Variants in KLC4 observed in about 807,000 individuals in gnomAD.
KLC4 encodes the protein kinesin-like protein 8.
In KLC4, 49 loss-of-function variants were observed where a neutral mutation model predicts 77.2. The observed-to-expected ratio is 0.63, with a 90% confidence interval of 0.50 to 0.80. The LOEUF is 0.80. KLC4 is among the 30% of genes least tolerant of loss of function. The pLI is 0.00. For synonymous variants in KLC4, 274 were observed against 314.5 expected (o/e 0.87, Z 1.36); for missense variants, 669 against 793.5 (o/e 0.84, Z 1.89).
At chr6:43,059,852 TAGAC>T (rs978477708) in intron 1 of KLC4, 167 bp downstream of exon 1, 13 of 1,187,408 alleles carry the variant, frequency 1.1e-5, no homozygotes, top group South Asian at 2.3e-5. Flanking sequence ...TCCAGACAGA[TAGAC>T]AGACGACCTG....
Position 43,071,264 on chromosome 6 carries a change from C to A in KLC4, c.1156-11C>A. On this transcript the variant is annotated splice_polypyrimidine_tract_variant and intron_variant, in intron 8 of 15. Coordinates refer to ENST00000347162, the MANE Select transcript of KLC4 (RefSeq NM_201521.3). Reference sequence around the variant, plus strand: ...GTTTTGTTCCTGTATTTTTGCCTTTCTGTCCTCCAGGCTTCCTGTTACCTG... The same window carrying A: ...GTTTTGTTCCTGTATTTTTGCCTTTATGTCCTCCAGGCTTCCTGTTACCTG... 5 of 1,513,256 alleles carry A rather than the reference C, an allele frequency of 3.3e-6. No homozygotes were observed. The highest frequency in any genetic ancestry group is 4.6e-6 in the Non-Finnish European group (5 of 1,094,996). 93.7% of individuals were successfully genotyped at this position (1,513,256 alleles called of 1,614,324 possible).
At position 43,071,559 on chromosome 6, in the gene KLC4, A is replaced by AC. The variant is rs113147109; in HGVS notation, c.1256-4dup. 11 of 1,611,434 alleles carry AC rather than the reference A, an allele frequency of 6.8e-6. No individual in the cohort carries two copies. The African/African-American group carries it at 1.1e-4, about 16-fold the overall frequency. ...CTCTAACCTCCCCACCCCATGTATC[A>AC]CCCCTAGATGACCACAAGCCCATCT... On this transcript the variant is annotated splice_polypyrimidine_tract_variant and splice_region_variant and intron_variant, in intron 9 of 15. Coordinates refer to ENST00000347162, the MANE Select transcript of KLC4 (RefSeq NM_201521.3).
Position 43,067,057 on chromosome 6 carries a change from A to G in KLC4, c.853A>G (p.Ser285Gly). The G allele has an allele frequency of 1.2e-6, 2 of 1,614,022 alleles. No homozygotes were observed. The highest frequency in any genetic ancestry group is 1.7e-6 in the Non-Finnish European group (2 of 1,179,984). ...GAATGATGCCCTTAGCATCCGGGAG[A>G]GCACCTTGGGACCTGACCATCCTGC... ...LLNDALSIRE[S>G]TLGPDHPAVA... Residue 285 changes from serine to glycine, a missense_variant, in exon 6 of 16, where the codon AGC becomes GGC. Physicochemically the swap from Ser to Gly is moderately conservative, Grantham distance 56. Coordinates refer to ENST00000347162, the MANE Select transcript of KLC4 (RefSeq NM_201521.3).
At chr6:43,059,883 A>G in intron 1 of KLC4, 198 bp downstream of exon 1, 1 of 1,210,392 alleles carries the variant, frequency 8.3e-7, no homozygotes, top group Non-Finnish European at 1.0e-6. Flanking sequence ...CCCCTGCGCC[A>G]CCGACTGACT....
At chr6:43,060,055 G>A (rs1442376605) in intron 1 of KLC4, 1 of 1,510,906 alleles carries the variant, frequency 6.6e-7, no homozygotes, top group East Asian at 2.4e-5. Flanking sequence ...GCGTTTCCAG[G>A]CCCAGGAGAC....
chr6:43,071,994 C>A, intron 11 of KLC4, 72 bp downstream of exon 11: 2 of 1,481,024 alleles, frequency 1.4e-6, no homozygotes, highest in Non-Finnish European at 1.9e-6. Flanking sequence ...GCCTCCCAGA[C>A]CTTTTCCCTT....
chr6:43,071,755 C>CTGCA, intron 10 of KLC4, 97 bp from the exon 11 acceptor site: 1 of 1,475,182 alleles, frequency 6.8e-7, no homozygotes, highest in Admixed American at 1.9e-5. Flanking sequence ...CCAGCCCAGC[C>CTGCA]TGCACCCTAG....
chr6:43,059,688 G>T lies in KLC4; in HGVS notation c.-26+3G>T, dbSNP rs1765032526. 1 of 1,325,088 alleles carries T rather than the reference G, an allele frequency of 7.5e-7. No homozygotes were observed. Among genetic ancestry groups the T allele is most frequent in the Admixed American group, 3.5e-5 (1 of 28,242 alleles). The allele number at this position is 1,325,088 out of a possible 1,614,324, so 82.1% of individuals were successfully genotyped here. Reference sequence around the variant, plus strand: ...GCAGCCACACCGGCAGATTGCAGGTGAGTCTTTGAGGGTATCCTGGGGCTG... The same window carrying T: ...GCAGCCACACCGGCAGATTGCAGGTTAGTCTTTGAGGGTATCCTGGGGCTG... On this transcript the variant is annotated splice_donor_region_variant and intron_variant, in intron 1 of 15. Transcript: ENST00000347162.
intron 2 of KLC4, 195 bp from the exon 3 acceptor site, chr6:43,062,722 G>A: frequency 1.7e-6 from 1 of 596,288 alleles, no homozygotes; most frequent in Non-Finnish European, 3.0e-6. Flanking sequence ...TAGTGGCTTG[G>A]TCCAGGGTGA....
chr6:43,071,946 C>G (rs747909573), intron 11 of KLC4, 24 bp downstream of exon 11: 23 of 1,597,856 alleles, frequency 1.4e-5, no homozygotes, highest in Non-Finnish European at 2.0e-5. Flanking sequence ...GAAAAGCCAG[C>G]TTGGCCTCCG....
At chr6:43,061,044 A>G in intron 1 of KLC4, 1 of 459,380 alleles carries the variant, frequency 2.2e-6, no homozygotes. Flanking sequence ...TAAGTCCTAA[A>G]TCCTTCTGCT....
intron 2 of KLC4, chr6:43,062,604 G>A: frequency 2.5e-6 from 1 of 398,418 alleles, no homozygotes; most frequent in South Asian, 2.5e-5. Context: ...GAGTGATGTG[G>A]TCTAACTTGG....
intron 3 of KLC4, among the ~76,000 whole-genome samples, chr6:43,063,915 C>T (rs181126712): frequency 1.1e-3 from 165 of 152,268 alleles, no homozygotes; most frequent in African/African-American, 3.7e-3. Flanking sequence ...CAGCTCACTG[C>T]AGCCTCCGCC....
intron 6 of KLC4, among the ~76,000 whole-genome samples, chr6:43,068,111 C>CAAAAAAAA (rs763158428): frequency 2.4e-4 from 6 of 25,224 alleles, no homozygotes; most frequent in African/African-American, 3.2e-4. Context: ...GACTCCGTCT[C>CAAAAAAAA]AAAAAAAAAA....
At chr6:43,065,777 C>T (rs1026497641) in intron 4 of KLC4, 76 bp downstream of exon 4, 1 of 943,420 alleles carries the variant, frequency 1.1e-6, no homozygotes, top group African/African-American at 1.6e-5. Flanking sequence ...ACCCTGTACA[C>T]AGGACAGTCA....
rs1765381712 is a variant in KLC4, at chr6:43,065,601, G to A, written c.490-19G>A. 1.3e-6 allele frequency: 2 copies of A among 1,594,214 alleles called. No homozygotes were observed. The highest frequency in any genetic ancestry group is 8.6e-7 in the Non-Finnish European group (1 of 1,162,128). On this transcript the variant is annotated intron_variant, in intron 3 of 15. Transcript: ENST00000347162. Reference sequence around the variant, plus strand: ...GGTAGGGATATCTTGGCCCTTATATGTTGCTTCTTCCCTTCCAGGAGGAGA... The same window carrying A: ...GGTAGGGATATCTTGGCCCTTATATATTGCTTCTTCCCTTCCAGGAGGAGA...
At chr6:43,065,972 G>A (rs925404561) in intron 4 of KLC4, among the ~76,000 whole-genome samples, 1 of 152,234 alleles carries the variant, frequency 6.6e-6, no homozygotes, top group Non-Finnish European at 1.5e-5. Context: ...GGAGTTCACA[G>A]TCTAGTGGGA....
intron 6 of KLC4, 45 bp from the exon 7 acceptor site, chr6:43,070,307 GTC>G: frequency 3.7e-6 from 5 of 1,364,348 alleles, no homozygotes; most frequent in Non-Finnish European, 5.2e-6. Context: ...ATTCCCATAG[GTC>G]TTTTGCAACC....
intron 14 of KLC4, chr6:43,073,666 A>G (rs1765839433): frequency 1.8e-6 from 1 of 569,474 alleles, no homozygotes; most frequent in Non-Finnish European, 3.1e-6. Flanking sequence ...AAAGAAAAAA[A>G]AAAAAGATAT....
Sources: gnomAD v4.1 joint callset for allele counts (sites outside exome capture counted in the v4.1 genomes callset) on GRCh38, gnomAD v4.1.1 for gene constraint, MANE v1.5 for transcripts, NCBI Gene and HGNC (gene_info 2026-07-23, HGNC 2026-07-21) for gene names.